The following TMEM132D variants were observed in gnomAD, a reference collection of about 807,000 sequenced individuals.
The protein encoded by TMEM132D is mature OL transmembrane protein.
In TMEM132D, 21 loss-of-function variants were observed where a neutral mutation model predicts 62.3. The ratio of observed to expected loss-of-function variants is 0.34; its 90% CI spans 0.24 to 0.49. The LOEUF is 0.49. Among genes scored for constraint, TMEM132D ranks in the 20% least tolerant of loss-of-function variants. The pLI is 0.99. For synonymous variants in TMEM132D, 621 were observed against 575.6 expected, an observed-to-expected ratio of 1.08 and a Z score of -1.13; for missense variants, 1,346 against 1,402.8, an observed-to-expected ratio of 0.96 and a Z score of 0.65.
chr12:129,520,857 T>C (rs1201698116), intron 3 of TMEM132D, among the ~76,000 whole-genome samples: 4 of 152,202 alleles, frequency 2.6e-5, no homozygotes, highest in East Asian at 1.9e-4. Flanking sequence ...AGATCTGCTA[T>C]AATAAGGACC....
At chr12:129,396,324 CCT>C (rs1233381801) in intron 3 of TMEM132D, among the ~76,000 whole-genome samples, 1 of 152,138 alleles carries the variant, frequency 6.6e-6, no homozygotes, top group African/African-American at 2.4e-5. Flanking sequence ...TATTTCCCAT[CCT>C]CTCTTTTACT....
chr12:129,607,937 G>T (rs578223192), intron 2 of TMEM132D, among the ~76,000 whole-genome samples: 1 of 152,160 alleles, frequency 6.6e-6, no homozygotes, highest in South Asian at 2.1e-4. Context: ...TATTGTACCA[G>T]ATAATCACAC....
chr12:129,695,251 A>G (rs944311587), intron 2 of TMEM132D, among the ~76,000 whole-genome samples: 3 of 152,206 alleles, frequency 2.0e-5, no homozygotes, highest in African/African-American at 7.2e-5. Context: ...CAGCAGATAA[A>G]AACTAAGGAA....
At chr12:129,363,379 G>A (rs921323453) in intron 3 of TMEM132D, among the ~76,000 whole-genome samples, 4 of 152,188 alleles carry the variant, frequency 2.6e-5, no homozygotes, top group Admixed American at 6.5e-5. Context: ...ATGTAGCCAC[G>A]ATCTCTTTAA....
chr12:129,670,509 G>C (rs1467631600), intron 2 of TMEM132D, among the ~76,000 whole-genome samples: 1 of 151,998 alleles, frequency 6.6e-6, no homozygotes, highest in East Asian at 1.9e-4. Flanking sequence ...AACTGACTCA[G>C]TGCAAGAAGA....
At chr12:129,863,629 T>C (rs1246509247) in intron 1 of TMEM132D, among the ~76,000 whole-genome samples, 1 of 152,188 alleles carries the variant, frequency 6.6e-6, no homozygotes, top group African/African-American at 2.4e-5. Context: ...TAAGGGCTGA[T>C]AGAAAATAAG....
intron 2 of TMEM132D, among the ~76,000 whole-genome samples, chr12:129,565,844 C>A (rs1296603252): frequency 6.6e-6 from 1 of 152,188 alleles, no homozygotes; most frequent in Non-Finnish European, 1.5e-5. Context: ...AACCAAGGAC[C>A]CACACTTCCC....
At chr12:129,802,949 T>A (rs1399254270) in intron 1 of TMEM132D, among the ~76,000 whole-genome samples, 3 of 150,718 alleles carry the variant, frequency 2.0e-5, no homozygotes, top group African/African-American at 4.9e-5. Context: ...AGAAGGCCAT[T>A]ACATAATGGT....
chr12:129,594,861 C>T (rs1878291214), intron 2 of TMEM132D, among the ~76,000 whole-genome samples: 1 of 152,168 alleles, frequency 6.6e-6, no homozygotes, highest in Non-Finnish European at 1.5e-5. Flanking sequence ...ATATCTGGGA[C>T]TACCGCTCAG....
chr12:129,703,376 G>A (rs886323535), intron 1 of TMEM132D, among the ~76,000 whole-genome samples: 12 of 152,034 alleles, frequency 7.9e-5, no homozygotes, highest in Non-Finnish European at 1.6e-4. Flanking sequence ...TCCACAAATG[G>A]TCTATTAGTC....
intron 2 of TMEM132D, among the ~76,000 whole-genome samples, chr12:129,615,558 A>T (rs1236756255): frequency 6.7e-6 from 1 of 149,422 alleles, no homozygotes; most frequent in Non-Finnish European, 1.5e-5. Context: ...TGGGATCAGC[A>T]TGGGCAATAT....
At chr12:129,899,832 A>G (rs959617883) in intron 1 of TMEM132D, among the ~76,000 whole-genome samples, 2 of 150,926 alleles carry the variant, frequency 1.3e-5, no homozygotes, top group African/African-American at 4.9e-5. Flanking sequence ...TGTCTTTTCA[A>G]TTTGACAGAA....
At chr12:129,439,982 C>T (rs532938047) in intron 3 of TMEM132D, among the ~76,000 whole-genome samples, 1 of 152,254 alleles carries the variant, frequency 6.6e-6, no homozygotes, top group African/African-American at 2.4e-5. Context: ...CCAAGACAAA[C>T]ATGTCCCCAA....
At chr12:129,842,897 A>G (rs554135546) in intron 1 of TMEM132D, among the ~76,000 whole-genome samples, 1 of 152,256 alleles carries the variant, frequency 6.6e-6, no homozygotes, top group African/African-American at 2.4e-5. Flanking sequence ...TTTAGCCTCT[A>G]TTTTTCATAA....
At chr12:129,460,415 T>A (rs1412185553) in intron 3 of TMEM132D, among the ~76,000 whole-genome samples, 1 of 152,162 alleles carries the variant, frequency 6.6e-6, no homozygotes, top group Non-Finnish European at 1.5e-5. Context: ...GATTCCTGCA[T>A]AGGAACATGA....
chr12:129,831,639 A>G lies in TMEM132D; in HGVS notation c.79+71622T>C, dbSNP rs367832095. Among the ~76,000 whole-genome samples the G allele has an allele frequency of 4.6e-5, 7 of 152,326 alleles. No homozygotes were observed. The East Asian group carries it at 1.2e-3, about 25-fold the overall frequency. ...TATTCTAAGGAATGAATACGCAGTT[A>G]TAACAATGATTAGCCTCCTGCTTCT... On this transcript the variant is annotated intron_variant, in intron 1 of 8. Transcript: ENST00000422113.
intron 1 of TMEM132D, among the ~76,000 whole-genome samples, chr12:129,723,472 T>C (rs550542194): frequency 6.6e-6 from 1 of 152,184 alleles, no homozygotes; most frequent in Non-Finnish European, 1.5e-5. Context: ...GTGTGGCCAA[T>C]GAGAGGAACC....
At chr12:129,819,226 T>TC (rs1872470669) in intron 1 of TMEM132D, among the ~76,000 whole-genome samples, 3 of 143,058 alleles carry the variant, frequency 2.1e-5, no homozygotes, top group Non-Finnish European at 3.1e-5. Flanking sequence ...CCCTTCTACC[T>TC]ACCCCACAGT....
At chr12:129,572,567 G>T (rs4759970) in intron 2 of TMEM132D, among the ~76,000 whole-genome samples, 18,547 of 152,192 alleles carry the variant, frequency 0.12, 1,460 homozygotes, top group East Asian at 0.42. Flanking sequence ...TCGTGCCTCA[G>T]CCTCCTGAGT....
Sources: gnomAD v4.1 joint callset for allele counts (sites outside exome capture counted in the v4.1 genomes callset) on GRCh38, gnomAD v4.1.1 for gene constraint, MANE v1.5 for transcripts, NCBI Gene and HGNC (gene_info 2026-07-23, HGNC 2026-07-21) for gene names.